The following NRG3 variants were observed in gnomAD, a reference collection of about 807,000 sequenced individuals.
The protein encoded by NRG3 is pro-neuregulin-3, membrane-bound isoform.
A neutral mutation model predicts 66.9 loss-of-function variants in NRG3; 31 were observed. The observed-to-expected ratio is 0.46, with a 90% CI of 0.35 to 0.63. The LOEUF is 0.63. NRG3 is among the 20% of genes least tolerant of loss of function. The probability of loss-of-function intolerance (pLI) is 0.00; values close to 1 mark genes in which losing one functional copy is unlikely to be tolerated. For synonymous variants in NRG3, 393 were observed against 359.4 expected, an observed-to-expected ratio of 1.09 and a Z score of -1.06; for missense variants, 910 against 878.9, an observed-to-expected ratio of 1.04 and a Z score of -0.45.
intron 1 of NRG3, among the ~76,000 whole-genome samples, chr10:82,149,479 T>C (rs1418694094): frequency 6.6e-6 from 1 of 152,202 alleles, no homozygotes; most frequent in Non-Finnish European, 1.5e-5. Context: ...ATGTGTTTTA[T>C]TGCCTGTGAG....
intron 4 of NRG3, among the ~76,000 whole-genome samples, chr10:82,891,064 C>G (rs943447583): frequency 6.6e-6 from 1 of 151,862 alleles, no homozygotes; most frequent in Non-Finnish European, 1.5e-5. Context: ...ATCAAGTAAA[C>G]CAACATTATA....
chr10:82,935,342 C>A lies in NRG3; in HGVS notation c.1055-16127C>A, dbSNP rs575793588. ...TTCTTTCTTTGTTGTCTTTTCCACA[C>A]ACCTTACAGATGATCAGTATTCTAT... On this transcript the variant is annotated intron_variant, in intron 4 of 8. Transcript: ENST00000372141. Among the ~76,000 whole-genome samples, 7 of 152,332 alleles carry A rather than the reference C, an allele frequency of 4.6e-5. No individual in the cohort carries two copies. In the East Asian group the frequency reaches 1.3e-3, roughly 29 times the overall value.
chr10:82,838,711 G>C (rs933166130), intron 3 of NRG3, among the ~76,000 whole-genome samples: 51 of 152,018 alleles, frequency 3.4e-4, no homozygotes, highest in Admixed American at 1.8e-3. Flanking sequence ...TCTTAGTTCT[G>C]TTTTAATTAT....
intron 1 of NRG3, among the ~76,000 whole-genome samples, chr10:81,970,980 A>T (rs2059912371): frequency 6.6e-6 from 1 of 152,142 alleles, no homozygotes; most frequent in South Asian, 2.1e-4. Context: ...TCTCTACTAA[A>T]GATACAAAAA....
chr10:82,073,669 G>T, intron 1 of NRG3, among the ~76,000 whole-genome samples: 1 of 151,980 alleles, frequency 6.6e-6, no homozygotes, highest in Middle Eastern at 3.4e-3. Flanking sequence ...TAATTTATCT[G>T]GTGTCTTCCA....
Position 82,133,731 on chromosome 10 carries a change from T to C in NRG3, c.824-225008T>C, listed in dbSNP as rs546396878. On this transcript the variant is annotated intron_variant, in intron 1 of 8. Transcript: ENST00000372141. Reference sequence around the variant, plus strand: ...GTGCTGCAATGAACATTCACATGCATGTGTATTTATAGTAGAATGATGTAT... The same window carrying C: ...GTGCTGCAATGAACATTCACATGCACGTGTATTTATAGTAGAATGATGTAT... Among the ~76,000 whole-genome samples the C allele has an allele frequency of 2.0e-5, 3 of 152,284 alleles. No individual in the cohort carries two copies. In the East Asian group the frequency reaches 5.8e-4, roughly 29 times the overall value.
intron 1 of NRG3, among the ~76,000 whole-genome samples, chr10:81,962,907 G>C (rs1054372543): frequency 3.3e-5 from 5 of 152,124 alleles, no homozygotes; most frequent in African/African-American, 1.2e-4. Flanking sequence ...CTTTCACGAG[G>C]TAGGTAGTGG....
intron 3 of NRG3, among the ~76,000 whole-genome samples, chr10:82,784,406 T>A (rs2060255055): frequency 6.6e-6 from 1 of 151,472 alleles, no homozygotes; most frequent in South Asian, 2.1e-4. Context: ...GAAACTACCA[T>A]CAGAGTGAAC....
At chr10:82,797,156 T>C (rs1017549938) in intron 3 of NRG3, among the ~76,000 whole-genome samples, 4 of 152,158 alleles carry the variant, frequency 2.6e-5, no homozygotes, top group Non-Finnish European at 4.4e-5. Context: ...TGAAAGTCTT[T>C]CCTGCTCTGG....
intron 1 of NRG3, among the ~76,000 whole-genome samples, chr10:82,063,124 A>C (rs1294231327): frequency 6.6e-6 from 1 of 152,218 alleles, no homozygotes; most frequent in Non-Finnish European, 1.5e-5. Flanking sequence ...GGGCAATCCC[A>C]GGAGTCCCCT....
chr10:82,614,131 C>T (rs1208205276), intron 2 of NRG3, among the ~76,000 whole-genome samples: 1 of 152,086 alleles, frequency 6.6e-6, no homozygotes, highest in East Asian at 1.9e-4. Context: ...AACTCCTGAC[C>T]TTGTGATCCG....
At chr10:82,003,988 A>AACACACACACACACACACACACAC (rs746699197) in intron 1 of NRG3, among the ~76,000 whole-genome samples, 2 of 134,336 alleles carry the variant, frequency 1.5e-5, no homozygotes, top group African/African-American at 5.7e-5. Flanking sequence ...CCTGACTGAA[A>AACACACACACACACACACACACAC]ACACACACAC....
chr10:82,261,233 A>T (rs1322329422), intron 1 of NRG3, among the ~76,000 whole-genome samples: 4 of 152,100 alleles, frequency 2.6e-5, no homozygotes, highest in Non-Finnish European at 5.9e-5. Flanking sequence ...ATTAGTTCTC[A>T]TGAGATCTGA....
intron 3 of NRG3, among the ~76,000 whole-genome samples, chr10:82,745,681 C>G (rs1220768611): frequency 1.3e-5 from 2 of 152,070 alleles, no homozygotes; most frequent in African/African-American, 2.4e-5. Flanking sequence ...ATCTTCAAGT[C>G]TTTCCTTTTA....
intron 2 of NRG3, among the ~76,000 whole-genome samples, chr10:82,516,449 T>C (rs1590432501): frequency 6.6e-6 from 1 of 152,168 alleles, no homozygotes; most frequent in Middle Eastern, 3.4e-3. Flanking sequence ...ATATACTAAG[T>C]ATAAGGAACT....
At chr10:82,588,931 C>G (rs889574054) in intron 2 of NRG3, among the ~76,000 whole-genome samples, 5 of 152,186 alleles carry the variant, frequency 3.3e-5, no homozygotes, top group African/African-American at 9.7e-5. Flanking sequence ...TTCCCAGAGC[C>G]ATTCCCTCAT....
intron 2 of NRG3, among the ~76,000 whole-genome samples, chr10:82,652,676 G>A (rs879216981): frequency 6.6e-6 from 1 of 152,142 alleles, no homozygotes; most frequent in South Asian, 2.1e-4. Flanking sequence ...AGGAAAACAG[G>A]GATGTCAGTT....
intron 1 of NRG3, among the ~76,000 whole-genome samples, chr10:81,913,430 T>C (rs1845365332): frequency 6.6e-6 from 1 of 152,056 alleles, no homozygotes; most frequent in Non-Finnish European, 1.5e-5. Context: ...TTTTTCTTTT[T>C]TTTTTTTCTT....
intron 1 of NRG3, chr10:81,889,685 A>G (rs1247033446): frequency 6.6e-6 from 1 of 152,204 alleles, no homozygotes; most frequent in African/African-American, 2.4e-5. Context: ...ACTGATGTCA[A>G]CATTTATAAT....
Sources: gnomAD v4.1 joint callset for allele counts (sites outside exome capture counted in the v4.1 genomes callset) on GRCh38, gnomAD v4.1.1 for gene constraint, MANE v1.5 for transcripts, NCBI Gene and HGNC (gene_info 2026-07-23, HGNC 2026-07-21) for gene names.